LRTM1: variants seen among roughly 807,000 people sequenced by gnomAD.
LRTM1 encodes leucine rich repeat transmembrane protein 1, also known as leucine-rich repeat and transmembrane domain-containing protein 1.
Under a neutral mutation model 32.4 loss-of-function variants are expected in LRTM1, and 38 were observed. The ratio of observed to expected loss-of-function variants is 1.17; its 90% CI spans 0.91 to 1.54. The LOEUF (loss-of-function observed/expected upper bound fraction) is 1.54, where lower values mean the gene tolerates loss of function less well. Among genes scored for constraint, LRTM1 ranks in the 40% most tolerant of loss-of-function variants. The pLI, the probability that LRTM1 is intolerant of heterozygous loss-of-function variation, is 0.00. For missense variants in LRTM1, 466 were observed against 415.4 expected, an observed-to-expected ratio of 1.12 and a Z score of -1.06; for synonymous variants, 186 against 169.9, an observed-to-expected ratio of 1.09 and a Z score of -0.74.
At chr3:54,948,134 T>C (rs1245219356) in intron 1 of LRTM1, among the ~76,000 whole-genome samples, 1 of 152,186 alleles carries the variant, frequency 6.6e-6, no homozygotes, top group Non-Finnish European at 1.5e-5. Context: ...CAAATTACAA[T>C]GACATTCTAT....
At chr3:54,963,361 G>T (rs1431375383) in intron 1 of LRTM1, among the ~76,000 whole-genome samples, 1 of 151,960 alleles carries the variant, frequency 6.6e-6, no homozygotes, top group Non-Finnish European at 1.5e-5. Flanking sequence ...GTTCCTTCTG[G>T]GATCACTGGT....
chr3:54,942,848 C>T (rs926884561), intron 1 of LRTM1, among the ~76,000 whole-genome samples: 1 of 152,040 alleles, frequency 6.6e-6, no homozygotes, highest in Non-Finnish European at 1.5e-5. Flanking sequence ...CACAGTGAAA[C>T]CCCATCTCTA....
chr3:54,939,872 TGCTTTAGA>T (rs1701422441), intron 1 of LRTM1, among the ~76,000 whole-genome samples: 1 of 152,204 alleles, frequency 6.6e-6, no homozygotes, highest in South Asian at 2.1e-4. Flanking sequence ...TGGCCATGCT[TGCTTTAGA>T]GCATCCAGAG....
At chr3:54,950,236 T>G (rs944882119) in intron 1 of LRTM1, among the ~76,000 whole-genome samples, 1 of 152,222 alleles carries the variant, frequency 6.6e-6, no homozygotes, top group African/African-American at 2.4e-5. Context: ...AAGCAATGTT[T>G]TGTCAAATTT....
At position 54,922,608 on chromosome 3, in the gene LRTM1, C is replaced by T. The variant is rs570496849; in HGVS notation, c.604+2011G>A. On this transcript the variant is annotated intron_variant, in intron 2 of 2. Coordinates refer to ENST00000273286, the MANE Select transcript of LRTM1 (RefSeq NM_020678.4). ...ACGTTTTAACCCATGTTGTATTCAC[C>T]CTAACCTCATTCCCGCTGAGAACCG... Among the ~76,000 whole-genome samples the T allele has an allele frequency of 5.9e-5, 9 of 152,134 alleles. No individual in the cohort carries two copies. In the South Asian group the frequency reaches 1.5e-3, roughly 25 times the overall value.
At position 54,918,838 on chromosome 3, in the gene LRTM1, TC is replaced by T. The variant is rs1483971824; in HGVS notation, c.658del (p.Asp220ThrfsTer36). ...CAGCTCATGAGGGATCCTAAGGAGG[TC>T]CTTTCCCTTCCAGGTGTCTGGTGAT... ...CESPDTWKGK[D>X]LLRIPHELYQ... On this transcript the variant is annotated frameshift_variant, in exon 3 of 3. Coordinates refer to ENST00000273286, the MANE Select transcript of LRTM1 (RefSeq NM_020678.4). LOFTEE classifies it high-confidence loss of function. The T allele has an allele frequency of 6.3e-7, 1 of 1,585,850 alleles. No homozygotes were observed. Among genetic ancestry groups the T allele is most frequent in the Admixed American group, 1.7e-5 (1 of 57,248 alleles).
At chr3:54,932,773 G>C (rs1701223016), upstream of LRTM1, among the ~76,000 whole-genome samples, 1 of 152,198 alleles carries the variant, frequency 6.6e-6, no homozygotes, top group Admixed American at 6.5e-5. Context: ...CCTGTCAACA[G>C]GCTCCTCATC....
chr3:54,923,795 A>G (rs1459307993), intron 2 of LRTM1, among the ~76,000 whole-genome samples: 1 of 152,200 alleles, frequency 6.6e-6, no homozygotes, highest in African/African-American at 2.4e-5. Flanking sequence ...TGGGCAAGTC[A>G]CTGAACCTCT....
chr3:54,922,863 A>G (rs1700894525), intron 2 of LRTM1, among the ~76,000 whole-genome samples: 1 of 151,994 alleles, frequency 6.6e-6, no homozygotes, highest in Admixed American at 6.6e-5. Context: ...TGAAGGCATC[A>G]CCATTTACTT....
intron 2 of LRTM1, among the ~76,000 whole-genome samples, chr3:54,921,737 G>A (rs548351944): frequency 6.6e-6 from 1 of 152,078 alleles, no homozygotes; most frequent in African/African-American, 2.4e-5. Flanking sequence ...TCACAAGCTC[G>A]AGGGGTCTTA....
At chr3:54,955,375 T>C (rs1021093967) in intron 1 of LRTM1, among the ~76,000 whole-genome samples, 1 of 152,164 alleles carries the variant, frequency 6.6e-6, no homozygotes, top group African/African-American at 2.4e-5. Context: ...ACTCCCACTC[T>C]CTTCTCTGGT....
intron 2 of LRTM1, among the ~76,000 whole-genome samples, chr3:54,923,435 C>T (rs912848591): frequency 6.6e-6 from 1 of 152,172 alleles, no homozygotes; most frequent in African/African-American, 2.4e-5. Context: ...AGCCATGTCA[C>T]CTCCTTGGAG....
chr3:54,949,115 A>G (rs1400428027), intron 1 of LRTM1, among the ~76,000 whole-genome samples: 1 of 152,190 alleles, frequency 6.6e-6, no homozygotes, highest in African/African-American at 2.4e-5. Context: ...TGGCAAACTC[A>G]GTGGAAAGAA....
chr3:54,925,097 G>A lies in LRTM1; in HGVS notation c.126C>T (p.Ala42=), dbSNP rs766616024. ...NFVDCSQQGL[A]EIPSHLPPQT... ...GAGGAGGTAAATGGGAAGGGATTTC[G>A]GCCAGACCCTGCTGGCTGCAGTCTA... The change falls in exon 2 of 3, where the codon GCC becomes GCT. Residue 42 remains alanine (A), a synonymous_variant. Coordinates refer to ENST00000273286, the MANE Select transcript of LRTM1 (RefSeq NM_020678.4). The A allele has an allele frequency of 2.3e-5, 37 of 1,613,930 alleles. No homozygotes were observed. Among genetic ancestry groups the A allele is most frequent in the African/African-American group, 2.7e-5 (2 of 74,866 alleles).
In LRTM1 at chr3:54,918,712, T is replaced by G. The variant is rs768671117; in HGVS notation, c.785A>C (p.Asn262Thr). Residue 262 changes from asparagine to threonine, a missense_variant, in exon 3 of 3, where the codon AAC (asparagine) becomes ACC (threonine). Coordinates refer to ENST00000273286, the MANE Select transcript of LRTM1 (RefSeq NM_020678.4). ...GVVLRPPENH[N>T]AGERELLECE... ...CTCCAAGAGTTCTCGCTCCCCCGCGTTGTGGTTCTCAGGAGGCCTCAGGAC... is the reference window on the plus strand; with the variant it reads ...CTCCAAGAGTTCTCGCTCCCCCGCGGTGTGGTTCTCAGGAGGCCTCAGGAC... 6.2e-7 allele frequency: 1 copy of G among 1,614,038 alleles called. No homozygotes were observed. Among genetic ancestry groups the G allele is most frequent in the African/African-American group, 1.3e-5 (1 of 74,932 alleles).
intron 1 of LRTM1, among the ~76,000 whole-genome samples, chr3:54,957,444 C>T (rs1358531012): frequency 1.3e-5 from 2 of 148,496 alleles, no homozygotes; most frequent in African/African-American, 5.3e-5. Flanking sequence ...CCACCACACC[C>T]AACCATAAAA....
At chr3:54,964,198 G>T (rs2107055909) in intron 1 of LRTM1, among the ~76,000 whole-genome samples, 1 of 152,246 alleles carries the variant, frequency 6.6e-6, no homozygotes, top group South Asian at 2.1e-4. Flanking sequence ...ATATTTTCTG[G>T]ATCGGTTGTG....
intron 1 of LRTM1, among the ~76,000 whole-genome samples, chr3:54,955,517 C>T (rs1261366355): frequency 1.3e-5 from 2 of 152,168 alleles, no homozygotes; most frequent in Admixed American, 6.5e-5. Context: ...GAGAGTCCCT[C>T]CCTGCACTTA....
upstream of LRTM1, among the ~76,000 whole-genome samples, chr3:54,929,127 G>T (rs1701114080): frequency 6.6e-6 from 1 of 152,192 alleles, no homozygotes; most frequent in African/African-American, 2.4e-5. Flanking sequence ...GGTGGGTCCA[G>T]AGTCGATATT....
Sources: allele counts gnomAD v4.1 joint callset (sites outside exome capture counted in the v4.1 genomes callset), GRCh38; gene constraint gnomAD v4.1.1; transcripts MANE v1.5; gene names NCBI Gene and HGNC (gene_info 2026-07-23, HGNC 2026-07-21).